The following AKAP19 variants were observed in gnomAD, a reference collection of about 807,000 sequenced individuals.
The protein encoded by AKAP19 is A-kinase anchoring protein 19, also known as small A-kinase anchoring protein.
chr2:189,950,019 T>C, the AKAP19 span, among the ~76,000 whole-genome samples: 3 of 127,766 alleles, frequency 2.3e-5, no homozygotes, highest in African/African-American at 9.3e-5. Flanking sequence ...CTTAGTTTTT[T>C]GGTTTTGGGT....
At chr2:190,119,015 CAA>C in the AKAP19 span, among the ~76,000 whole-genome samples, 1 of 152,224 alleles carries the variant, frequency 6.6e-6, no homozygotes, top group East Asian at 1.9e-4. Context: ...GCAACTTCAG[CAA>C]AGTCTCAGGA....
the AKAP19 span, among the ~76,000 whole-genome samples, chr2:189,992,664 G>A: frequency 1.3e-5 from 2 of 152,142 alleles, no homozygotes; most frequent in Admixed American, 1.3e-4. Flanking sequence ...CATGGGATGT[G>A]TTTCCATTTG....
At chr2:189,905,991 A>G in the AKAP19 span, among the ~76,000 whole-genome samples, 2 of 152,070 alleles carry the variant, frequency 1.3e-5, no homozygotes, top group Non-Finnish European at 2.9e-5. Context: ...TGAATTGGGT[A>G]TTCATGGTAG....
chr2:190,147,349 G>A, the AKAP19 span, among the ~76,000 whole-genome samples: 139,975 of 152,232 alleles, frequency 0.92, 65,082 homozygotes, highest in East Asian at 1. Flanking sequence ...ATTCTGTTCC[G>A]TTGGTCTATG....
chr2:189,953,565 C>T, the AKAP19 span, among the ~76,000 whole-genome samples: 140 of 138,830 alleles, frequency 1.0e-3, 1 homozygote, highest in African/African-American at 3.8e-3. Flanking sequence ...ACCTTGGAGG[C>T]GGAAGTTGCA....
At chr2:189,882,227 A>C in the AKAP19 span, among the ~76,000 whole-genome samples, 3,004 of 152,282 alleles carry the variant, frequency 0.02, 107 homozygotes, top group African/African-American at 0.068. Flanking sequence ...AATCTCACCT[A>C]AACGTGATAA....
the AKAP19 span, among the ~76,000 whole-genome samples, chr2:190,001,756 C>G: frequency 6.6e-6 from 1 of 152,184 alleles, no homozygotes; most frequent in Non-Finnish European, 1.5e-5. Flanking sequence ...CCAGGTTTTA[C>G]TTTCCACAGG....
chr2:190,064,948 TG>T, the AKAP19 span, among the ~76,000 whole-genome samples: 2 of 152,336 alleles, frequency 1.3e-5, no homozygotes, highest in African/African-American at 4.8e-5. Flanking sequence ...AATTTATCTA[TG>T]AAACTCAATA....
At chr2:190,161,302 G>A in the AKAP19 span, among the ~76,000 whole-genome samples, 1 of 152,056 alleles carries the variant, frequency 6.6e-6, no homozygotes, top group African/African-American at 2.4e-5. Flanking sequence ...AGTCCTACAT[G>A]GATGGTCCAG....
At chr2:190,100,391 GACCTGC>G in the AKAP19 span, among the ~76,000 whole-genome samples, 1 of 152,180 alleles carries the variant, frequency 6.6e-6, no homozygotes, top group African/African-American at 2.4e-5. Flanking sequence ...TTGCTTTTCA[GACCTGC>G]TCCTTCTGTA....
the AKAP19 span, among the ~76,000 whole-genome samples, chr2:189,954,909 A>G: frequency 6.6e-6 from 1 of 152,210 alleles, no homozygotes; most frequent in Admixed American, 6.5e-5. Context: ...TAAAAAGTTT[A>G]TCTTTAAACT....
At chr2:189,932,300 C>T in the AKAP19 span, among the ~76,000 whole-genome samples, 69 of 151,724 alleles carry the variant, frequency 4.5e-4, 1 homozygote, top group East Asian at 7.9e-3. Context: ...CCCAGCTACT[C>T]GGGAGGCTGA....
the AKAP19 span, among the ~76,000 whole-genome samples, chr2:190,093,891 C>T: frequency 3.3e-5 from 5 of 152,188 alleles, no homozygotes; most frequent in African/African-American, 7.2e-5. Context: ...CAGTCAGAGA[C>T]GAAAGCAGTC....
At chr2:190,138,866 G>C in the AKAP19 span, among the ~76,000 whole-genome samples, 1 of 152,318 alleles carries the variant, frequency 6.6e-6, no homozygotes, top group Admixed American at 6.5e-5. Context: ...GGACTTAAGA[G>C]CATAGGATTT....
the AKAP19 span, among the ~76,000 whole-genome samples, chr2:189,985,326 C>G: frequency 1.3e-5 from 2 of 152,096 alleles, no homozygotes; most frequent in Non-Finnish European, 1.5e-5. Flanking sequence ...CCTTAGTAGC[C>G]ATCATTTTCC....
chr2:190,027,347 C>A, the AKAP19 span, among the ~76,000 whole-genome samples: 1 of 152,132 alleles, frequency 6.6e-6, no homozygotes, highest in Non-Finnish European at 1.5e-5. Context: ...ATTTCTCTAT[C>A]AAGTTTCACA....
At chr2:189,934,254 T>TTTGCATGTTGCACACA in the AKAP19 span, among the ~76,000 whole-genome samples, 5 of 152,082 alleles carry the variant, frequency 3.3e-5, no homozygotes, top group Non-Finnish European at 7.4e-5. Flanking sequence ...CATCACATTT[T>TTTGCATGTTGCACACA]TTGCATGTTG....
At chr2:190,118,151 C>T in the AKAP19 span, among the ~76,000 whole-genome samples, 1 of 152,136 alleles carries the variant, frequency 6.6e-6, no homozygotes, top group Admixed American at 6.5e-5. Context: ...CATACACCCT[C>T]CCAAGACTAA....
chr2:189,910,356 T>C, the AKAP19 span, among the ~76,000 whole-genome samples: 1 of 152,024 alleles, frequency 6.6e-6, no homozygotes, highest in Non-Finnish European at 1.5e-5. Flanking sequence ...TATTACTTTA[T>C]TGTGGTTTGT....
Sources: allele counts gnomAD v4.1 joint callset (sites outside exome capture counted in the v4.1 genomes callset), GRCh38; gene constraint gnomAD v4.1.1; transcripts MANE v1.5; gene names NCBI Gene and HGNC (gene_info 2026-07-23, HGNC 2026-07-21).